Variants in KDM3A observed in about 807,000 individuals in gnomAD.
The protein encoded by KDM3A is lysine-specific demethylase 3A.
A neutral mutation model predicts 158.0 loss-of-function variants in KDM3A; 60 were observed. The ratio of observed to expected loss-of-function variants is 0.38; its 90% CI spans 0.31 to 0.47. The LOEUF (loss-of-function observed/expected upper bound fraction) is 0.47, where lower values mean the gene tolerates loss of function less well. Among genes scored for constraint, KDM3A ranks in the 20% least tolerant of loss-of-function variants. The pLI is 0.99. For synonymous variants in KDM3A, 608 were observed against 549.3 expected (o/e 1.11, Z -1.49); for missense variants, 1,319 against 1,574.3 (o/e 0.84, Z 2.74).
At chr2:86,464,522 G>T (rs1177664232) in intron 9 of KDM3A, among the ~76,000 whole-genome samples, 1 of 152,188 alleles carries the variant, frequency 6.6e-6, no homozygotes, top group Non-Finnish European at 1.5e-5. Context: ...GGTTGTACAT[G>T]GAAGACTGAG....
intron 15 of KDM3A, chr2:86,479,008 C>CT: frequency 7.9e-6 from 2 of 252,826 alleles, no homozygotes; most frequent in Non-Finnish European, 1.5e-5. Flanking sequence ...AGTAGTCTAC[C>CT]TAATAAGTAG....
chr2:86,445,438 C>A (rs1031178964), intron 2 of KDM3A, among the ~76,000 whole-genome samples: 1 of 152,144 alleles, frequency 6.6e-6, no homozygotes, highest in Non-Finnish European at 1.5e-5. Context: ...CATAATTATG[C>A]GTGGTGGGAA....
At chr2:86,441,962 G>C in intron 1 of KDM3A, 56 bp from the exon 2 acceptor site, 32 of 1,012,138 alleles carry the variant, frequency 3.2e-5, no homozygotes, top group East Asian at 7.5e-5. Flanking sequence ...TGCTGTCTCC[G>C]CCCGGCCCCC....
At chr2:86,465,710 A>G (rs1005637876) in intron 9 of KDM3A, among the ~76,000 whole-genome samples, 4 of 151,938 alleles carry the variant, frequency 2.6e-5, no homozygotes, top group Non-Finnish European at 4.4e-5. Flanking sequence ...TGCCTTGCCC[A>G]TTGTTCGTTT....
At chr2:86,448,436 C>CAGTT (rs1178653476) in intron 2 of KDM3A, among the ~76,000 whole-genome samples, 1 of 152,200 alleles carries the variant, frequency 6.6e-6, no homozygotes, top group East Asian at 1.9e-4. Flanking sequence ...TAGTGATATA[C>CAGTT]AGTTGTAAGC....
intron 4 of KDM3A, among the ~76,000 whole-genome samples, chr2:86,451,482 A>G (rs1398802089): frequency 6.6e-6 from 1 of 152,228 alleles, no homozygotes; most frequent in Non-Finnish European, 1.5e-5. Context: ...GCTAGATAAA[A>G]GAAAATGTTA....
intron 8 of KDM3A, among the ~76,000 whole-genome samples, chr2:86,463,423 T>G (rs6742018): frequency 0.81 from 122,088 of 151,520 alleles, 49,812 homozygotes; most frequent in East Asian, 0.95. Context: ...CTTCCTTTTT[T>G]TGAAGATTAA....
At chr2:86,489,499 T>C in intron 22 of KDM3A, 21 bp from the exon 23 acceptor site, 1 of 1,611,728 alleles carries the variant, frequency 6.2e-7, no homozygotes, top group South Asian at 1.1e-5. Context: ...GTCTGATATC[T>C]GCTTTCTCTT....
chr2:86,456,634 A>AT (rs2104644263), intron 6 of KDM3A, 68 bp downstream of exon 6: 1 of 1,464,014 alleles, frequency 6.8e-7, no homozygotes, highest in Non-Finnish European at 9.4e-7. Context: ...AGCATTTATG[A>AT]TTTTCTAGGC....
chr2:86,489,822 A>T, intron 23 of KDM3A, 163 bp downstream of exon 23: 1 of 645,170 alleles, frequency 1.5e-6, no homozygotes, highest in Non-Finnish European at 2.5e-6. Flanking sequence ...CTAAGGAACA[A>T]GGATTCTAAA....
In KDM3A at chr2:86,484,226, C is replaced by CT. The variant is rs1435729692; in HGVS notation, c.3094+69dup. 5 of 1,384,382 alleles carry CT rather than the reference C, an allele frequency of 3.6e-6. No homozygotes were observed. In the African/African-American group the frequency reaches 7.3e-5, roughly 20 times the overall value. The allele number at this position is 1,384,382 out of a possible 1,614,324, so 85.8% of individuals were successfully genotyped here. On this transcript the variant is annotated intron_variant, in intron 19 of 25. Transcript: ENST00000312912. ...GAGGGGACACAGGAATGGCAGGAGT[C>CT]TGAGACCCATCAGTGGCAGCCGCAG...
At chr2:86,447,692 C>T (rs1683013109) in intron 2 of KDM3A, among the ~76,000 whole-genome samples, 2 of 152,114 alleles carry the variant, frequency 1.3e-5, no homozygotes, top group African/African-American at 2.4e-5. Context: ...CTTAGATTTT[C>T]TAAGTGAGGG....
At chr2:86,476,773 A>G (rs1673675669) in intron 12 of KDM3A, among the ~76,000 whole-genome samples, 1 of 152,240 alleles carries the variant, frequency 6.6e-6, no homozygotes. Context: ...TTATAATGTA[A>G]TGGCAGAAGT....
intron 8 of KDM3A, among the ~76,000 whole-genome samples, chr2:86,459,561 A>C (rs748305410): frequency 2.7e-4 from 41 of 152,120 alleles, no homozygotes; most frequent in Admixed American, 5.2e-4. Flanking sequence ...TGGAGCGATC[A>C]ATCTGGGGTG....
In KDM3A at chr2:86,492,140, G is replaced by T; in HGVS notation, c.*21G>T. 3.2e-6 allele frequency: 5 copies of T among 1,569,786 alleles called. No homozygotes were observed. The highest frequency in any genetic ancestry group is 1.1e-5 in the South Asian group (1 of 89,846). ...CTTAATCTCCCTGCACATTGGAAAT[G>T]AATTACAGGCAGCTGTTCAAACTCT... On this transcript the variant is annotated 3_prime_UTR_variant, in exon 26 of 26. Coordinates refer to ENST00000312912, the MANE Select transcript of KDM3A (RefSeq NM_018433.6).
At chr2:86,479,965 G>A (rs1673843205) in intron 15 of KDM3A, 2 of 585,468 alleles carry the variant, frequency 3.4e-6, no homozygotes, top group Non-Finnish European at 6.1e-6. Flanking sequence ...CTGTGTTTAA[G>A]TTGCTGACAT....
Position 86,470,186 on chromosome 2 carries a change from A to C in KDM3A, c.1520-18A>C, listed in dbSNP as rs373878770. The C allele has an allele frequency of 5.2e-5, 83 of 1,611,456 alleles. No individual in the cohort carries two copies. The South Asian group carries it at 8.2e-4, about 16-fold the overall frequency. Reference sequence around the variant, plus strand: ...TAAAAATTTGAGGTCCTGTCTCCTTAATCTTTTGTTTTCCTAGCCCCATCC... The same window carrying C: ...TAAAAATTTGAGGTCCTGTCTCCTTCATCTTTTGTTTTCCTAGCCCCATCC... On this transcript the variant is annotated intron_variant, in intron 10 of 25. Coordinates refer to ENST00000312912, the MANE Select transcript of KDM3A (RefSeq NM_018433.6).
At chr2:86,472,747 A>C (rs1324548020) in intron 11 of KDM3A, among the ~76,000 whole-genome samples, 1 of 152,212 alleles carries the variant, frequency 6.6e-6, no homozygotes, top group Non-Finnish European at 1.5e-5. Flanking sequence ...AGCAAAGTCA[A>C]GGTCCCCAAT....
chr2:86,451,127 G>C lies in KDM3A; in HGVS notation c.367G>C (p.Ala123Pro), dbSNP rs774492469. ...GACGTACAAACCTCTGTTGGACAAA[G>C]CTGGTTTGGGATCCATAACTTCTGT... ...AITYKPLLDK[A>P]GLGSITSVRF... Residue 123 changes from alanine (A) to proline (P), a missense_variant, in exon 4 of 26, where the codon GCT becomes CCT. By Grantham distance (27) the Ala-to-Pro change is conservative. Coordinates refer to ENST00000312912, the MANE Select transcript of KDM3A (RefSeq NM_018433.6). 1.9e-6 allele frequency: 3 copies of C among 1,609,564 alleles called. No individual in the cohort carries two copies. Among genetic ancestry groups the C allele is most frequent in the African/African-American group, 2.7e-5 (2 of 74,668 alleles).
Sources: gnomAD v4.1 joint callset for allele counts (sites outside exome capture counted in the v4.1 genomes callset) on GRCh38, gnomAD v4.1.1 for gene constraint, MANE v1.5 for transcripts, NCBI Gene and HGNC (gene_info 2026-07-23, HGNC 2026-07-21) for gene names.